XKR4: variants seen among roughly 807,000 people sequenced by gnomAD.
XKR4 encodes XK-related protein 4.
Under a neutral mutation model 53.9 loss-of-function variants are expected in XKR4, and 12 were observed. That is an observed-to-expected ratio of 0.22 (90% confidence interval 0.14 to 0.36). XKR4 has a LOEUF of 0.36. Among genes scored for constraint, XKR4 ranks in the 10% least tolerant of loss-of-function variants. XKR4 has a pLI of 1.00. For synonymous variants in XKR4, 354 were observed against 362.4 expected (o/e 0.98, Z 0.26); for missense variants, 799 against 859.5 (o/e 0.93, Z 0.88).
chr8:55,460,024 A>G (rs1419656881), intron 2 of XKR4, among the ~76,000 whole-genome samples: 1 of 150,188 alleles, frequency 6.7e-6, no homozygotes, highest in Non-Finnish European at 1.5e-5. Context: ...AAAAAAAAAA[A>G]CCAAATGTCC....
intron 1 of XKR4, among the ~76,000 whole-genome samples, chr8:55,174,038 T>C (rs1238877135): frequency 1.3e-5 from 2 of 151,694 alleles, no homozygotes; most frequent in Non-Finnish European, 2.9e-5. Flanking sequence ...GCTATTTTGG[T>C]GTAGCATCAA....
In XKR4 at chr8:55,533,783, T is replaced by C. The variant is rs918163112; in HGVS notation, c.*9556T>C. On this transcript the variant is annotated 3_prime_UTR_variant, in exon 3 of 3. Coordinates refer to ENST00000327381, the MANE Select transcript of XKR4 (RefSeq NM_052898.2). ...CTCCTGCAAGGGAACATTAATCAGT[T>C]AGTGAAAAAGGAGCACTTCCGTTCA... The C allele has an allele frequency of 3.3e-5, 5 of 152,152 alleles. No homozygotes were observed. Among genetic ancestry groups the C allele is most frequent in the African/African-American group, 1.2e-4 (5 of 41,434 alleles). The allele number at this position is 152,152 out of a possible 1,614,324, so 9.4% of individuals were successfully genotyped here.
chr8:55,365,249 G>A (rs1018590594), intron 2 of XKR4, among the ~76,000 whole-genome samples: 1 of 152,206 alleles, frequency 6.6e-6, no homozygotes, highest in Admixed American at 6.5e-5. Flanking sequence ...GGCCCTTCAC[G>A]CACGACGTTC....
At position 55,461,300 on chromosome 8, in the gene XKR4, A is replaced by G. The variant is rs578111671; in HGVS notation, c.1007-61981A>G. 4.5e-4 allele frequency among the ~76,000 whole-genome samples: 68 copies of G among 152,366 alleles called. 1 individual carries two copies. The highest frequency in any genetic ancestry group is 1.2e-3 in the South Asian group (6 of 4,832). On this transcript the variant is annotated intron_variant, in intron 2 of 2. Coordinates refer to ENST00000327381, the MANE Select transcript of XKR4 (RefSeq NM_052898.2). The stretch of plus-strand genomic sequence containing the variant: ...ACTTCCAGAGGAACGATCAGGCAGC[A>G]GCATTTGCAATTCACCAATATCTAC...
intron 1 of XKR4, among the ~76,000 whole-genome samples, chr8:55,303,506 C>T (rs1354057978): frequency 6.6e-6 from 1 of 152,148 alleles, no homozygotes; most frequent in Admixed American, 6.5e-5. Flanking sequence ...ATGATGCTGG[C>T]CTCATAAAAT....
chr8:55,510,842 A>G (rs1280291079), intron 2 of XKR4, among the ~76,000 whole-genome samples: 2 of 152,232 alleles, frequency 1.3e-5, no homozygotes, highest in African/African-American at 4.8e-5. Flanking sequence ...TAAGAGTTGC[A>G]GGAGCAATGG....
chr8:55,319,803 C>T (rs1490844207), intron 1 of XKR4, among the ~76,000 whole-genome samples: 1 of 152,082 alleles, frequency 6.6e-6, no homozygotes, highest in Non-Finnish European at 1.5e-5. Context: ...AGAAAAGTTA[C>T]TTGGTGAGAT....
chr8:55,482,815 T>A (rs1693800369), intron 2 of XKR4, among the ~76,000 whole-genome samples: 1 of 152,218 alleles, frequency 6.6e-6, no homozygotes, highest in East Asian at 1.9e-4. Flanking sequence ...ACAGAATTTT[T>A]ATTTTTCATT....
chr8:55,332,922 CT>C lies in XKR4; in HGVS notation c.807-24745del, dbSNP rs996480062. ...TCAGGCTCTATTTACTTTTTTTCTT[CT>C]TTTTTTTTTTCCTCAGACTTGACAA... On this transcript the variant is annotated intron_variant, in intron 1 of 2. Transcript: ENST00000327381. Among the ~76,000 whole-genome samples the C allele has an allele frequency of 4.2e-4, 60 of 141,390 alleles. 1 individual carries two copies. The East Asian group carries it at 4.7e-3, about 11-fold the overall frequency. 92.8% of individuals were successfully genotyped at this position (141,390 alleles called of 152,430 possible).
intron 1 of XKR4, among the ~76,000 whole-genome samples, chr8:55,299,623 G>T (rs1306120867): frequency 6.6e-6 from 1 of 152,140 alleles, no homozygotes; most frequent in Non-Finnish European, 1.5e-5. Context: ...GAAGACTTGG[G>T]GTGAAAAGAT....
intron 1 of XKR4, among the ~76,000 whole-genome samples, chr8:55,272,699 C>G (rs1202209158): frequency 6.6e-6 from 1 of 152,206 alleles, no homozygotes; most frequent in Admixed American, 6.5e-5. Flanking sequence ...AATCAGCATA[C>G]ACAGCAAGTG....
At chr8:55,105,698 A>G (rs950883988) in intron 1 of XKR4, among the ~76,000 whole-genome samples, 2 of 152,226 alleles carry the variant, frequency 1.3e-5, no homozygotes, top group Non-Finnish European at 2.9e-5. Flanking sequence ...GGGGGATGCC[A>G]GAGTAATCTG....
At chr8:55,390,091 A>T (rs1191978576) in intron 2 of XKR4, among the ~76,000 whole-genome samples, 1 of 152,238 alleles carries the variant, frequency 6.6e-6, no homozygotes, top group Non-Finnish European at 1.5e-5. Context: ...AATTTCCAGT[A>T]AGTTTGTCTG....
At chr8:55,356,989 A>G (rs1803804334) in intron 1 of XKR4, among the ~76,000 whole-genome samples, 2 of 152,228 alleles carry the variant, frequency 1.3e-5, no homozygotes, top group Admixed American at 6.5e-5. Flanking sequence ...TTATAGGAAT[A>G]CAGTATATAA....
chr8:55,173,720 G>A (rs1484811197), intron 1 of XKR4, among the ~76,000 whole-genome samples: 2 of 152,086 alleles, frequency 1.3e-5, no homozygotes, highest in Non-Finnish European at 2.9e-5. Flanking sequence ...TTGGCTTGTC[G>A]GCAGTACCAC....
chr8:55,340,878 T>G (rs559830086), intron 1 of XKR4, among the ~76,000 whole-genome samples: 2 of 152,274 alleles, frequency 1.3e-5, no homozygotes, highest in South Asian at 4.2e-4. Context: ...GAGAGCAGCC[T>G]GCATGGGTCA....
intron 1 of XKR4, among the ~76,000 whole-genome samples, chr8:55,276,103 G>A (rs929207903): frequency 6.6e-6 from 1 of 151,762 alleles, no homozygotes; most frequent in Non-Finnish European, 1.5e-5. Context: ...TCTTACTAGA[G>A]AGACTGAAAT....
chr8:55,124,236 C>T (rs539347235), intron 1 of XKR4, among the ~76,000 whole-genome samples: 1 of 152,300 alleles, frequency 6.6e-6, no homozygotes, highest in African/African-American at 2.4e-5. Context: ...CTGCTGTGCT[C>T]CTTGGCCATT....
At chr8:55,182,682 A>C (rs1817325839) in intron 1 of XKR4, among the ~76,000 whole-genome samples, 1 of 152,172 alleles carries the variant, frequency 6.6e-6, no homozygotes, top group South Asian at 2.1e-4. Context: ...AATACCACAT[A>C]GTTTTGATTA....
Sources: allele counts gnomAD v4.1 joint callset (sites outside exome capture counted in the v4.1 genomes callset), GRCh38; gene constraint gnomAD v4.1.1; transcripts MANE v1.5; gene names NCBI Gene and HGNC (gene_info 2026-07-23, HGNC 2026-07-21).